The following QRFPR variants were observed in gnomAD, a reference collection of about 807,000 sequenced individuals.
QRFPR encodes the protein pyroglutamylated RFamide peptide receptor, also known as pyroglutamylated RF-amide peptide receptor.
In QRFPR, 37 loss-of-function variants were observed where a neutral mutation model predicts 31.3. That is an observed-to-expected ratio of 1.18 (90% CI 0.91 to 1.56). The LOEUF (loss-of-function observed/expected upper bound fraction) is 1.56, where lower values mean the gene tolerates loss of function less well. Ranked by LOEUF, QRFPR falls within the 40% of genes most tolerant of loss-of-function variation. The probability of loss-of-function intolerance (pLI) is 0.00; values close to 1 mark genes in which losing one functional copy is unlikely to be tolerated. For missense variants in QRFPR, 542 were observed against 532.5 expected, an observed-to-expected ratio of 1.02 and a Z score of -0.18; for synonymous variants, 197 against 192.0, an observed-to-expected ratio of 1.03 and a Z score of -0.22.
rs1560743874 is a variant in QRFPR at position 121,365,581 on chromosome 4, TTA to T, written c.340+14725_340+14726del. On this transcript the variant is annotated intron_variant, in intron 1 of 5. Coordinates refer to ENST00000394427, the MANE Select transcript of QRFPR (RefSeq NM_198179.3). Reference sequence around the variant, plus strand: ...TAATATATATTATATATAATATATATTATATATATTATATATATATAATATAT... The same window carrying T: ...TAATATATATTATATATAATATATATTATATATTATATATATATAATATAT... 4.1e-3 allele frequency among the ~76,000 whole-genome samples: 26 copies of T among 6,372 alleles called. 9 individuals carry two copies. Among genetic ancestry groups the T allele is most frequent in the Non-Finnish European group, 6.0e-3 (22 of 3,640 alleles). The allele number at this position is 6,372 out of a possible 152,430, so 4.2% of individuals were successfully genotyped here. A position where few individuals can be genotyped will look rare whatever the true frequency, so the allele number is the denominator to read the frequency against.
At chr4:121,369,500 C>A (rs1332433314) in intron 1 of QRFPR, 2 of 1,403,306 alleles carry the variant, frequency 1.4e-6, no homozygotes, top group Middle Eastern at 3.7e-4. Flanking sequence ...TGGCTGTTTC[C>A]TCCCTTCCGT....
intron 1 of QRFPR, among the ~76,000 whole-genome samples, chr4:121,362,031 A>C (rs1417859186): frequency 4.0e-5 from 6 of 150,180 alleles, no homozygotes. Context: ...AATAACTGCA[A>C]TTGTCTGCAA....
intron 1 of QRFPR, among the ~76,000 whole-genome samples, chr4:121,356,541 A>T (rs984252729): frequency 1.3e-5 from 2 of 152,160 alleles, no homozygotes; most frequent in South Asian, 2.1e-4. Flanking sequence ...GTTTGTACCT[A>T]TCATTCTTGA....
intron 1 of QRFPR, chr4:121,370,029 C>G: frequency 1.3e-6 from 1 of 771,940 alleles, no homozygotes; most frequent in Admixed American, 1.7e-5. Context: ...TCACATAATT[C>G]ATGACGACAT....
At chr4:121,360,310 T>G (rs1285659222) in intron 1 of QRFPR, among the ~76,000 whole-genome samples, 1 of 152,224 alleles carries the variant, frequency 6.6e-6, no homozygotes, top group East Asian at 1.9e-4. Flanking sequence ...AACTTAGTAC[T>G]TTCTTAGAAG....
chr4:121,379,351 C>A (rs1726422846), intron 1 of QRFPR, among the ~76,000 whole-genome samples: 4 of 152,138 alleles, frequency 2.6e-5, no homozygotes, highest in African/African-American at 9.7e-5. Context: ...ATAGAAATAG[C>A]AGAGATTGAA....
intron 1 of QRFPR, among the ~76,000 whole-genome samples, chr4:121,373,059 C>G (rs1726282427): frequency 6.6e-6 from 1 of 152,124 alleles, no homozygotes. Context: ...TAGAATATTC[C>G]CTTTTTTTTC....
chr4:121,344,678 T>C (rs1428062606), intron 1 of QRFPR, among the ~76,000 whole-genome samples: 2 of 152,204 alleles, frequency 1.3e-5, no homozygotes, highest in Non-Finnish European at 2.9e-5. Flanking sequence ...AGAGCACTTT[T>C]CAAGGTCTAG....
At chr4:121,379,636 C>G (rs1420000856) in intron 1 of QRFPR, among the ~76,000 whole-genome samples, 1 of 152,186 alleles carries the variant, frequency 6.6e-6, no homozygotes, top group Non-Finnish European at 1.5e-5. Context: ...CCCCATTATA[C>G]GGAAGGAGGA....
Position 121,363,346 on chromosome 4 carries a change from G to T in QRFPR, c.340+16962C>A, listed in dbSNP as rs561682635. Among the ~76,000 whole-genome samples the T allele has an allele frequency of 1.6e-4, 24 of 149,854 alleles. 1 individual carries two copies. Among genetic ancestry groups the T allele is most frequent in the South Asian group, 4.2e-4 (2 of 4,726 alleles). ...CTCCATCTCATAATAAATAAATAAAGAAAGAAGGAACCAAAACTATATAAC... is the reference window on the plus strand; with the variant it reads ...CTCCATCTCATAATAAATAAATAAATAAAGAAGGAACCAAAACTATATAAC... On this transcript the variant is annotated intron_variant, in intron 1 of 5. Transcript: ENST00000394427.
chr4:121,339,622 C>T (rs536791439), intron 2 of QRFPR, among the ~76,000 whole-genome samples: 87 of 152,240 alleles, frequency 5.7e-4, no homozygotes, highest in African/African-American at 2.0e-3. Flanking sequence ...TCTAAAACCA[C>T]ATTTCCTGCT....
At chr4:121,332,684 C>T (rs1725351169) in intron 4 of QRFPR, 137 bp downstream of exon 4, 1 of 652,132 alleles carries the variant, frequency 1.5e-6, no homozygotes, top group East Asian at 2.7e-5. Context: ...AGTTTAAAAT[C>T]AGTCCATGCC....
In QRFPR at chr4:121,380,325, GA is replaced by G. The variant is rs768925368; in HGVS notation, c.322del (p.Ser108ProfsTer23). 12 of 1,613,182 alleles carry G rather than the reference GA, an allele frequency of 7.4e-6. 1 individual carries two copies. The South Asian group carries it at 1.3e-4, about 18-fold the overall frequency. ...CIPVTMLQNISDNWLGGAFIC... is the reference protein window; with the variant it reads ...CIPVTMLQNIXDNWLGGAFIC... ...ACTCTTACCCCCCAGCCAGTTGTCG[GA>G]AATGTTCTGGAGCATGGTGACGGGA... On this transcript the variant is annotated frameshift_variant, in exon 1 of 6. Coordinates refer to ENST00000394427, the MANE Select transcript of QRFPR (RefSeq NM_198179.3). LOFTEE classifies it high-confidence loss of function.
At chr4:121,370,135 C>T (rs1579590213) in intron 1 of QRFPR, 2 of 766,112 alleles carry the variant, frequency 2.6e-6, no homozygotes, top group Non-Finnish European at 4.9e-6. Flanking sequence ...TCTCCTTCCT[C>T]CACCTTGGTG....
rs70950816 is a variant in QRFPR at position 121,380,186 on chromosome 4, GGAGAGAGAGAGAGAGA to G, written c.340+106_340+121del. 9.4e-3 allele frequency: 2,213 copies of G among 235,778 alleles called. 10 individuals are homozygous for G. Among genetic ancestry groups the G allele is most frequent in the African/African-American group, 0.028 (373 of 13,348 alleles). The allele number at this position is 235,778 out of a possible 1,614,324, so 14.6% of individuals were successfully genotyped here. A position where few individuals can be genotyped will look rare whatever the true frequency, so the allele number is the denominator to read the frequency against. On this transcript the variant is annotated intron_variant, in intron 1 of 5. Transcript: ENST00000394427. ...GAGAGAGAGACAGACAGACGAGAGA[GGAGAGAGAGAGAGAGA>G]GAGAGAGAGAGAGAGAGAGAGAGAG...
chr4:121,356,083 T>C (rs1459697433), intron 1 of QRFPR, among the ~76,000 whole-genome samples: 1 of 152,168 alleles, frequency 6.6e-6, no homozygotes, highest in Non-Finnish European at 1.5e-5. Context: ...ACTTGATCTA[T>C]AGTGCAGACC....
intron 1 of QRFPR, among the ~76,000 whole-genome samples, chr4:121,359,160 T>C (rs900918572): frequency 1.3e-5 from 2 of 152,180 alleles, no homozygotes; most frequent in Non-Finnish European, 2.9e-5. Context: ...AGCACCAATA[T>C]GACCTCTTTT....
intron 1 of QRFPR, chr4:121,369,442 G>A (rs1726191210): frequency 7.9e-6 from 7 of 888,546 alleles, no homozygotes; most frequent in Non-Finnish European, 1.1e-5. Context: ...AGAAGCCAGT[G>A]GGTGTGAGCA....
chr4:121,380,238 A>AGAGAGG, intron 1 of QRFPR, 70 bp downstream of exon 1: 1 of 1,055,200 alleles, frequency 9.5e-7, no homozygotes, highest in Non-Finnish European at 1.4e-6. Context: ...AGAGAGAGAG[A>AGAGAGG]GAGAGAGAGA....
Sources: gnomAD v4.1 joint callset for allele counts (sites outside exome capture counted in the v4.1 genomes callset) on GRCh38, gnomAD v4.1.1 for gene constraint, MANE v1.5 for transcripts, NCBI Gene and HGNC (gene_info 2026-07-23, HGNC 2026-07-21) for gene names.